The following SP3 variants were observed in gnomAD, a reference collection of about 807,000 sequenced individuals.
SP3 encodes transcription factor Sp3.
In SP3, 10 loss-of-function variants were observed where a neutral mutation model predicts 70.3. The ratio of observed to expected loss-of-function variants is 0.14; its 90% CI spans 0.09 to 0.24. The LOEUF (loss-of-function observed/expected upper bound fraction) is 0.24. Among genes scored for constraint, SP3 ranks in the 10% least tolerant of loss-of-function variants. SP3 has a pLI of 1.00. For missense variants in SP3, 825 were observed against 914.6 expected (o/e 0.90, Z 1.26); for synonymous variants, 402 against 333.5 (o/e 1.21, Z -2.24).
At position 173,946,024 on chromosome 2, in the gene SP3, G is replaced by A. The variant is rs183615718; in HGVS notation, c.1639+8849C>T. 2.3e-4 allele frequency among the ~76,000 whole-genome samples: 35 copies of A among 152,214 alleles called. 1 individual carries two copies. Among genetic ancestry groups the A allele is most frequent in the Admixed American group, 2.0e-3 (31 of 15,298 alleles). On this transcript the variant is annotated intron_variant, in intron 4 of 6. Coordinates refer to ENST00000310015, the MANE Select transcript of SP3 (RefSeq NM_003111.5). Reference sequence around the variant, plus strand: ...CTCCTGTAATCCCAGCTACTCTAGAGGCTGAGGCAGGAGAATCACTTGAAC... The same window carrying A: ...CTCCTGTAATCCCAGCTACTCTAGAAGCTGAGGCAGGAGAATCACTTGAAC...
At chr2:173,923,372 A>C (rs527527004) in intron 4 of SP3, among the ~76,000 whole-genome samples, 2 of 152,220 alleles carry the variant, frequency 1.3e-5, no homozygotes, top group African/African-American at 4.8e-5. Flanking sequence ...ATACACACAC[A>C]CCCACACACA....
At chr2:173,944,188 G>A (rs893076212) in intron 4 of SP3, among the ~76,000 whole-genome samples, 8 of 152,210 alleles carry the variant, frequency 5.3e-5, no homozygotes, top group African/African-American at 1.9e-4. Context: ...ATTTTCATCA[G>A]AGAATTTATG....
At position 173,918,442 on chromosome 2, in the gene SP3, T is replaced by C. The variant is rs796365092; in HGVS notation, c.1832+151A>G. On this transcript the variant is annotated intron_variant, in intron 5 of 6. Transcript: ENST00000310015. ...AACTGAAAATCCAATTCCATATATTTTGTTCTCTAACTTCTGCCACACGCA... is the reference window on the plus strand; with the variant it reads ...AACTGAAAATCCAATTCCATATATTCTGTTCTCTAACTTCTGCCACACGCA... 19 of 716,854 alleles carry C rather than the reference T, an allele frequency of 2.7e-5. No individual in the cohort carries two copies. The African/African-American group carries it at 3.4e-4, about 13-fold the overall frequency. The allele number at this position is 716,854 out of a possible 1,614,324, so 44.4% of individuals were successfully genotyped here. A position where few individuals can be genotyped will look rare whatever the true frequency, so the allele number is the denominator to read the frequency against.
intron 4 of SP3, among the ~76,000 whole-genome samples, chr2:173,936,606 G>A (rs1690217612): frequency 6.6e-6 from 1 of 152,028 alleles, no homozygotes; most frequent in Non-Finnish European, 1.5e-5. Flanking sequence ...GTAACCCAAT[G>A]AAATACTAAT....
At chr2:173,952,120 G>C (rs7572646) in intron 4 of SP3, among the ~76,000 whole-genome samples, 6,000 of 122,810 alleles carry the variant, frequency 0.049, 186 homozygotes, top group Admixed American at 0.12. Flanking sequence ...TTTTTTTTGA[G>C]GAAATATCTG....
chr2:173,964,215 C>A lies in SP3; in HGVS notation c.156+190G>T, dbSNP rs1302537977. 17 of 467,234 alleles carry A rather than the reference C, an allele frequency of 3.6e-5. No individual in the cohort carries two copies. The South Asian group carries it at 4.9e-4, about 13-fold the overall frequency. The allele number at this position is 467,234 out of a possible 1,614,324, so 28.9% of individuals were successfully genotyped here. On this transcript the variant is annotated intron_variant, in intron 2 of 6. Transcript: ENST00000310015. Reference sequence around the variant, plus strand: ...CGCGCACAAAAAGGCGGCAGGCGGGCGAGGCGGGGCGGCGCGGGCGGGGTC... The same window carrying A: ...CGCGCACAAAAAGGCGGCAGGCGGGAGAGGCGGGGCGGCGCGGGCGGGGTC...
rs1574432192 is a variant in SP3 at position 173,964,570 on chromosome 2, G to A, written c.8-17C>T. 1 of 680,550 alleles carries A rather than the reference G, an allele frequency of 1.5e-6. No individual in the cohort carries two copies. Among genetic ancestry groups the A allele is most frequent in the East Asian group, 3.0e-5 (1 of 33,312 alleles). 42.2% of individuals were successfully genotyped at this position (680,550 alleles called of 1,614,324 possible). On this transcript the variant is annotated splice_polypyrimidine_tract_variant and intron_variant, in intron 1 of 6. Coordinates refer to ENST00000310015, the MANE Select transcript of SP3 (RefSeq NM_003111.5). ...TTTCGGGAGCTGCAGGCACAGCGCG[G>A]GGGGGTGGGGGTGGGGAGGAAGGCG...
Position 173,904,115 on chromosome 2 carries a change from A to G in SP3, c.*5826T>C, listed in dbSNP as rs1689248077. ...ATGCGGGGTTCACAACGGGGTTCGC[A>G]CTCCTATGAGAATCTAATGTTGTGG... On this transcript the variant is annotated 3_prime_UTR_variant, in exon 7 of 7. Transcript: ENST00000310015. Among the ~76,000 whole-genome samples, 1 of 151,978 alleles carries G rather than the reference A, an allele frequency of 6.6e-6. No homozygotes were observed. Among genetic ancestry groups the G allele is most frequent in the Non-Finnish European group, 1.5e-5 (1 of 67,978 alleles).
rs554498714 is a variant in SP3 at position 173,904,086 on chromosome 2, T to C, written c.*5855A>G. On this transcript the variant is annotated 3_prime_UTR_variant, in exon 7 of 7. Coordinates refer to ENST00000310015, the MANE Select transcript of SP3 (RefSeq NM_003111.5). ...TTAAGGAGGGCACTACCTAGATCCC[T>C]CGCATGCGGGGTTCACAACGGGGTT... Among the ~76,000 whole-genome samples, 67 of 152,226 alleles carry C rather than the reference T, an allele frequency of 4.4e-4. No homozygotes were observed. The highest frequency in any genetic ancestry group is 2.6e-3 in the Admixed American group (40 of 15,294).
At chr2:173,916,338 A>C (rs1212757013) in intron 5 of SP3, 2 of 152,080 alleles carry the variant, frequency 1.3e-5, no homozygotes, top group Non-Finnish European at 1.5e-5. Flanking sequence ...GGAAAGGCTG[A>C]CCAACTTTAA....
At position 173,956,050 on chromosome 2, in the gene SP3, A is replaced by G. The variant is rs1421297914; in HGVS notation, c.462T>C (p.Val154=). The G allele has an allele frequency of 1.9e-6, 3 of 1,614,184 alleles. No homozygotes were observed. The highest frequency in any genetic ancestry group is 3.3e-5 in the Admixed American group (2 of 60,016). ...QNLQNQQIFS[V]APGSDSSNGT... is the part of the protein sequence containing the mutation. ...CATTTGATGAATCTGATCCTGGTGC[A>G]ACGGAAAATATTTGTTGATTCTGCA... The change falls in exon 4 of 7, where the codon GTT becomes GTC. Residue 154 remains valine, a synonymous_variant. Coordinates refer to ENST00000310015, the MANE Select transcript of SP3 (RefSeq NM_003111.5).
chr2:173,944,409 C>A (rs1397641338), intron 4 of SP3, among the ~76,000 whole-genome samples: 1 of 152,086 alleles, frequency 6.6e-6, no homozygotes, highest in Non-Finnish European at 1.5e-5. Context: ...GTGGCACACA[C>A]CTGTAGTCCC....
chr2:173,951,434 A>G (rs79516898), intron 4 of SP3, among the ~76,000 whole-genome samples: 2,371 of 152,342 alleles, frequency 0.016, 66 homozygotes, highest in African/African-American at 0.054. Context: ...ACGTTAACAT[A>G]AATTAACATT....
intron 4 of SP3, among the ~76,000 whole-genome samples, chr2:173,945,787 T>C (rs1690519212): frequency 6.6e-6 from 1 of 152,108 alleles, no homozygotes; most frequent in South Asian, 2.1e-4. Flanking sequence ...AACCACTCCA[T>C]TAGTATTTTG....
intron 4 of SP3, among the ~76,000 whole-genome samples, chr2:173,926,640 A>G (rs1386726260): frequency 2.0e-5 from 3 of 152,248 alleles, no homozygotes; most frequent in African/African-American, 7.2e-5. Flanking sequence ...TCTACCAAAA[A>G]TAAATTGGGC....
rs1293285066 is a variant in SP3, at chr2:173,956,089, A to T, written c.423T>A (p.Leu141=). Residue 141 remains leucine, a synonymous_variant, in exon 4 of 7, where the codon CTT becomes CTA. Coordinates refer to ENST00000310015, the MANE Select transcript of SP3 (RefSeq NM_003111.5). ...SAATSSGQYV[L]PLQNLQNQQI... is the part of the protein sequence containing the mutation. ...GTTGATTCTGCAAATTCTGAAGGGGAAGAACATACTGCCCACTTGAAGTAG... is the reference window on the plus strand; with the variant it reads ...GTTGATTCTGCAAATTCTGAAGGGGTAGAACATACTGCCCACTTGAAGTAG... 6.2e-7 allele frequency: 1 copy of T among 1,614,004 alleles called. No homozygotes were observed. The highest frequency in any genetic ancestry group is 1.3e-5 in the African/African-American group (1 of 74,896).
chr2:173,912,216 C>T (rs189854226), intron 6 of SP3, among the ~76,000 whole-genome samples: 5 of 152,294 alleles, frequency 3.3e-5, no homozygotes, highest in Admixed American at 6.5e-5. Flanking sequence ...ACTATTAGAG[C>T]ATCTGTATAC....
At chr2:173,961,630 A>G (rs1691081026) in intron 3 of SP3, among the ~76,000 whole-genome samples, 1 of 152,204 alleles carries the variant, frequency 6.6e-6, no homozygotes, top group Admixed American at 6.5e-5. Context: ...TCAGTTCTGT[A>G]TTTCCAACTT....
rs1422140864 is a variant in SP3, at chr2:173,955,793, G to T, written c.719C>A (p.Ala240Glu). The change falls in exon 4 of 7, where the codon GCA becomes GAA. Residue 240 changes from alanine to glutamate, a missense_variant. Ala to Glu is a moderately radical substitution (Grantham distance 107, BLOSUM62 -1). This residue lies in a region of SP3 where 678 missense variants were observed against 651.6 expected (regional missense o/e 1.04). Transcript: ENST00000310015. ...ACCAGGAAAAGATGAACCACCAATT[G>T]CAACTCCCTGAACCTGGACTTGACC... ...QTGQVQVQGVAIGGSSFPGQT... is the reference protein window; with the variant it reads ...QTGQVQVQGVEIGGSSFPGQT... 1 of 1,614,060 alleles carries T rather than the reference G, an allele frequency of 6.2e-7. No individual in the cohort carries two copies. Among genetic ancestry groups the T allele is most frequent in the Non-Finnish European group, 8.5e-7 (1 of 1,180,034 alleles).
Sources: gnomAD v4.1 joint callset for allele counts (sites outside exome capture counted in the v4.1 genomes callset) on GRCh38, gnomAD v4.1.1 for gene constraint, gnomAD v4.1.1 regional missense constraint, MANE v1.5 for transcripts, NCBI Gene and HGNC (gene_info 2026-07-23, HGNC 2026-07-21) for gene names.